Variants in RBFOX1 observed in about 807,000 individuals in gnomAD.
RBFOX1 encodes the protein RNA binding protein fox-1 homolog 1.
In RBFOX1, 8 loss-of-function variants were observed where a neutral mutation model predicts 57.7. That is an observed-to-expected ratio of 0.14 (90% CI 0.08 to 0.25). The LOEUF (loss-of-function observed/expected upper bound fraction) is 0.25, where lower values mean the gene tolerates loss of function less well. RBFOX1 is among the 10% of genes least tolerant of loss of function. RBFOX1 has a pLI of 1.00. For missense variants in RBFOX1, 611 were observed against 548.5 expected, an observed-to-expected ratio of 1.11 and a Z score of -1.14; for synonymous variants, 326 against 222.4, an observed-to-expected ratio of 1.47 and a Z score of -4.15.
intron 3 of RBFOX1, among the ~76,000 whole-genome samples, chr16:5,631,085 C>G (rs2048491819): frequency 1.3e-5 from 2 of 152,150 alleles, no homozygotes; most frequent in African/African-American, 4.8e-5. Flanking sequence ...ACTGTTGGCA[C>G]TCAGAGGTGC....
intron 2 of RBFOX1, among the ~76,000 whole-genome samples, chr16:6,376,970 T>C (rs1321807555): frequency 5.9e-5 from 9 of 151,868 alleles, no homozygotes; most frequent in Non-Finnish European, 1.3e-4. Flanking sequence ...TCCTTCTTCT[T>C]ATAAAGGTAT....
chr16:5,485,082 C>T (rs938294731), intron 2 of RBFOX1, among the ~76,000 whole-genome samples: 4 of 151,888 alleles, frequency 2.6e-5, no homozygotes, highest in East Asian at 3.9e-4. Context: ...CACAGTGGCT[C>T]ACGCCTGTAA....
chr16:5,875,960 C>A (rs1228538441), intron 4 of RBFOX1, among the ~76,000 whole-genome samples: 3 of 151,914 alleles, frequency 2.0e-5, no homozygotes, highest in Non-Finnish European at 4.4e-5. Context: ...TCTCCTGCCT[C>A]AGCCTCCCGA....
intron 2 of RBFOX1, among the ~76,000 whole-genome samples, chr16:6,579,917 T>G (rs1443901637): frequency 6.6e-6 from 1 of 152,118 alleles, no homozygotes; most frequent in Non-Finnish European, 1.5e-5. Flanking sequence ...ATACATATTC[T>G]ATGTATAGGT....
intron 3 of RBFOX1, among the ~76,000 whole-genome samples, chr16:5,722,056 C>G (rs567949632): frequency 6.6e-6 from 1 of 152,276 alleles, no homozygotes; most frequent in African/African-American, 2.4e-5. Flanking sequence ...AATCATAAAT[C>G]CGAAGTATTG....
intron 2 of RBFOX1, among the ~76,000 whole-genome samples, chr16:6,570,234 T>C (rs186156846): frequency 3.3e-5 from 5 of 152,216 alleles, no homozygotes; most frequent in African/African-American, 4.8e-5. Flanking sequence ...GTATGAATTA[T>C]ACCCATTGTG....
At chr16:7,203,884 G>A (rs180841190) in intron 4 of RBFOX1, among the ~76,000 whole-genome samples, 1 of 152,286 alleles carries the variant, frequency 6.6e-6, no homozygotes, top group Non-Finnish European at 1.5e-5. Context: ...CCTCAGAAGG[G>A]GCTGAAGTCA....
intron 3 of RBFOX1, among the ~76,000 whole-genome samples, chr16:6,729,303 C>T (rs2067975124): frequency 6.6e-6 from 1 of 152,092 alleles, no homozygotes; most frequent in South Asian, 2.1e-4. Context: ...TTTAGAAGCT[C>T]CTCAGTTGAT....
chr16:7,534,206 C>T (rs763684906), intron 5 of RBFOX1, among the ~76,000 whole-genome samples: 43 of 151,456 alleles, frequency 2.8e-4, no homozygotes, highest in Admixed American at 1.4e-3. Context: ...CCTGCCTCAG[C>T]CTCCTGAATA....
chr16:6,305,405 C>T (rs1311047283), intron 1 of RBFOX1, among the ~76,000 whole-genome samples: 1 of 152,022 alleles, frequency 6.6e-6, no homozygotes, highest in African/African-American at 2.4e-5. Context: ...ATGAGATGCT[C>T]CTCCTCCTCC....
intron 4 of RBFOX1, among the ~76,000 whole-genome samples, chr16:7,090,517 A>G (rs1244584519): frequency 6.6e-6 from 1 of 152,218 alleles, no homozygotes; most frequent in Admixed American, 6.5e-5. Flanking sequence ...AGCCAGTCCA[A>G]TTAAATAGTT....
chr16:5,240,813 A>G (rs1359692456), intron 1 of RBFOX1, among the ~76,000 whole-genome samples: 1 of 152,138 alleles, frequency 6.6e-6, no homozygotes, highest in African/African-American at 2.4e-5. Flanking sequence ...CTCCGTGGCC[A>G]GCCTGGCCTC....
chr16:5,509,380 A>G (rs1380234248), intron 2 of RBFOX1, among the ~76,000 whole-genome samples: 1 of 152,196 alleles, frequency 6.6e-6, no homozygotes, highest in Non-Finnish European at 1.5e-5. Context: ...TCCCTCCACC[A>G]CCGACATCTC....
At chr16:5,722,465 T>C (rs1445749703) in intron 3 of RBFOX1, among the ~76,000 whole-genome samples, 2 of 152,204 alleles carry the variant, frequency 1.3e-5, no homozygotes, top group African/African-American at 4.8e-5. Context: ...GAAATCCAGA[T>C]ACAATTAGAC....
At chr16:5,427,208 C>G (rs2067587801) in intron 1 of RBFOX1, among the ~76,000 whole-genome samples, 2 of 152,186 alleles carry the variant, frequency 1.3e-5, no homozygotes, top group Non-Finnish European at 2.9e-5. Flanking sequence ...AGAATGAGTA[C>G]CATCAGATGT....
chr16:5,432,398 G>A (rs1400285906), intron 1 of RBFOX1, among the ~76,000 whole-genome samples: 1 of 152,108 alleles, frequency 6.6e-6, no homozygotes, highest in Non-Finnish European at 1.5e-5. Flanking sequence ...GCCGGCCCCT[G>A]TAATTTAACT....
At chr16:5,260,649 A>C (rs1405986980) in intron 1 of RBFOX1, 1 of 152,264 alleles carries the variant, frequency 6.6e-6, no homozygotes, top group Admixed American at 6.5e-5. Context: ...TTGTACAGTC[A>C]CTGCAAATAA....
chr16:7,355,012 G>A (rs1026859357), intron 4 of RBFOX1, among the ~76,000 whole-genome samples: 23 of 152,084 alleles, frequency 1.5e-4, no homozygotes, highest in African/African-American at 4.6e-4. Flanking sequence ...AATAGTTAAC[G>A]TTTGTACTTG....
At chr16:5,315,850 G>T (rs1596493919) in intron 1 of RBFOX1, among the ~76,000 whole-genome samples, 2 of 152,190 alleles carry the variant, frequency 1.3e-5, no homozygotes, top group South Asian at 4.1e-4. Flanking sequence ...ACATTGTCTA[G>T]AGCCTGTAGA....
Sources: allele counts gnomAD v4.1 joint callset (sites outside exome capture counted in the v4.1 genomes callset), GRCh38; gene constraint gnomAD v4.1.1; transcripts MANE v1.5; gene names NCBI Gene and HGNC (gene_info 2026-07-23, HGNC 2026-07-21).